Variants in RIT2 observed in about 807,000 individuals in gnomAD.
RIT2 encodes Ras like without CAAX 2.
In RIT2, 24 loss-of-function variants were observed where a neutral mutation model predicts 23.7. The observed-to-expected ratio is 1.01, with a 90% CI of 0.73 to 1.43. The LOEUF is 1.43. RIT2 is among the 40% of genes most tolerant of loss of function. The pLI is 0.00. For synonymous variants in RIT2, 107 were observed against 91.1 expected, an observed-to-expected ratio of 1.17 and a Z score of -0.99; for missense variants, 236 against 266.9, an observed-to-expected ratio of 0.88 and a Z score of 0.81.
intron 2 of RIT2, among the ~76,000 whole-genome samples, chr18:42,998,021 G>C (rs1911025078): frequency 6.6e-6 from 1 of 152,142 alleles, no homozygotes; most frequent in Non-Finnish European, 1.5e-5. Context: ...CTTGCAACAA[G>C]GCTCTGATAG....
At chr18:42,905,248 G>A (rs16977121) in intron 4 of RIT2, among the ~76,000 whole-genome samples, 29,362 of 151,924 alleles carry the variant, frequency 0.19, 3,207 homozygotes, top group African/African-American at 0.29. Context: ...TTGTATGGTC[G>A]TTTAATAAAT....
At chr18:42,806,985 T>C (rs1350401584) in intron 4 of RIT2, among the ~76,000 whole-genome samples, 1 of 152,202 alleles carries the variant, frequency 6.6e-6, no homozygotes, top group Non-Finnish European at 1.5e-5. Flanking sequence ...CTTTAAAGAA[T>C]TACTGCTGTG....
intron 4 of RIT2, among the ~76,000 whole-genome samples, chr18:42,858,701 C>T (rs1277503394): frequency 1.3e-5 from 2 of 152,178 alleles, no homozygotes; most frequent in African/African-American, 4.8e-5. Context: ...GAAGTTGATT[C>T]TAATTCCCCA....
At chr18:43,046,569 A>G (rs1322638102) in intron 1 of RIT2, among the ~76,000 whole-genome samples, 1 of 152,184 alleles carries the variant, frequency 6.6e-6, no homozygotes, top group Non-Finnish European at 1.5e-5. Flanking sequence ...GACTGCGAAC[A>G]TGGTGTCTGG....
chr18:43,080,304 A>G (rs964813886), intron 1 of RIT2, among the ~76,000 whole-genome samples: 5 of 152,200 alleles, frequency 3.3e-5, no homozygotes, highest in Admixed American at 1.3e-4. Flanking sequence ...TACAGGTTGT[A>G]TATGTTCTGC....
intron 2 of RIT2, among the ~76,000 whole-genome samples, chr18:42,980,460 T>G (rs1209851585): frequency 6.6e-6 from 1 of 152,030 alleles, no homozygotes; most frequent in Non-Finnish European, 1.5e-5. Flanking sequence ...GGATGCTGAT[T>G]GGTGTCAACT....
intron 2 of RIT2, among the ~76,000 whole-genome samples, chr18:42,997,652 C>T (rs926663445): frequency 2.0e-5 from 3 of 151,098 alleles, no homozygotes; most frequent in Admixed American, 6.6e-5. Context: ...TGAGCATCTA[C>T]GAATTTATTT....
At chr18:42,812,848 A>G (rs1178034462) in intron 4 of RIT2, among the ~76,000 whole-genome samples, 1 of 152,220 alleles carries the variant, frequency 6.6e-6, no homozygotes, top group East Asian at 1.9e-4. Context: ...ATAAGCTTTA[A>G]TGTTGTAATC....
chr18:42,983,476 C>G (rs1199297339), intron 2 of RIT2, among the ~76,000 whole-genome samples: 1 of 151,856 alleles, frequency 6.6e-6, no homozygotes, highest in Non-Finnish European at 1.5e-5. Context: ...ACATATTAAG[C>G]ATAGACTACA....
At chr18:42,950,368 C>T (rs1407096431) in intron 3 of RIT2, among the ~76,000 whole-genome samples, 1 of 152,022 alleles carries the variant, frequency 6.6e-6, no homozygotes, top group Non-Finnish European at 1.5e-5. Context: ...ACTGGATCCC[C>T]ACCTTTCACC....
intron 1 of RIT2, among the ~76,000 whole-genome samples, chr18:43,112,676 G>A (rs560700322): frequency 6.6e-6 from 1 of 152,158 alleles, no homozygotes; most frequent in Non-Finnish European, 1.5e-5. Context: ...GGCTGAGGCA[G>A]GAGCATTGCT....
At chr18:42,978,564 T>G (rs1280586655) in intron 2 of RIT2, among the ~76,000 whole-genome samples, 1 of 152,082 alleles carries the variant, frequency 6.6e-6, no homozygotes, top group Middle Eastern at 3.2e-3. Flanking sequence ...AGTGAACTCA[T>G]TTATCTTCTC....
intron 4 of RIT2, among the ~76,000 whole-genome samples, chr18:42,802,643 G>A (rs1037942900): frequency 1.3e-5 from 2 of 152,054 alleles, no homozygotes; most frequent in African/African-American, 2.4e-5. Context: ...CCTGGGACTT[G>A]GGACATGATT....
chr18:43,033,557 A>T (rs142725345), intron 2 of RIT2, among the ~76,000 whole-genome samples: 4 of 152,238 alleles, frequency 2.6e-5, no homozygotes, highest in East Asian at 3.9e-4. Context: ...TACTGAAATC[A>T]CTTAATGGAT....
intron 1 of RIT2, among the ~76,000 whole-genome samples, chr18:43,092,959 G>A (rs763685695): frequency 1.3e-5 from 2 of 151,868 alleles, no homozygotes; most frequent in Non-Finnish European, 2.9e-5. Flanking sequence ...TAGCTAATAC[G>A]AGCTTTGACA....
At chr18:42,823,259 A>C (rs1906201116) in intron 4 of RIT2, among the ~76,000 whole-genome samples, 1 of 152,188 alleles carries the variant, frequency 6.6e-6, no homozygotes, top group Non-Finnish European at 1.5e-5. Flanking sequence ...ATTTTACTGC[A>C]AGGATATTCA....
intron 3 of RIT2, among the ~76,000 whole-genome samples, chr18:42,931,266 G>A (rs1441728626): frequency 2.6e-5 from 4 of 152,126 alleles, no homozygotes; most frequent in African/African-American, 9.7e-5. Flanking sequence ...AGGATTGGAG[G>A]CTGGAGGATG....
intron 1 of RIT2, among the ~76,000 whole-genome samples, chr18:43,087,807 T>C (rs1913321207): frequency 6.6e-6 from 1 of 152,116 alleles, no homozygotes; most frequent in African/African-American, 2.4e-5. Context: ...CGGTGGTCCT[T>C]GGTGTGGTTG....
intron 4 of RIT2, among the ~76,000 whole-genome samples, chr18:42,851,441 C>A (rs1385660976): frequency 1.3e-5 from 2 of 152,208 alleles, no homozygotes; most frequent in Non-Finnish European, 2.9e-5. Flanking sequence ...GTGGAGGATT[C>A]TCAAAACATG....
Sources: allele counts gnomAD v4.1 joint callset (sites outside exome capture counted in the v4.1 genomes callset), GRCh38; gene constraint gnomAD v4.1.1; transcripts MANE v1.5; gene names NCBI Gene and HGNC (gene_info 2026-07-23, HGNC 2026-07-21).